The following ANKS1B variants were observed in gnomAD, a reference collection of about 807,000 sequenced individuals.
ANKS1B encodes ankyrin repeat and sterile alpha motif domain-containing protein 1B.
Under a neutral mutation model 148.3 loss-of-function variants are expected in ANKS1B, and 36 were observed. The observed-to-expected ratio is 0.24, with a 90% CI of 0.19 to 0.32. The LOEUF (loss-of-function observed/expected upper bound fraction) is 0.32, where lower values mean the gene tolerates loss of function less well. ANKS1B is among the 10% of genes least tolerant of loss of function. The probability of loss-of-function intolerance (pLI) is 1.00; values close to 1 mark genes in which losing one functional copy is unlikely to be tolerated. For synonymous variants in ANKS1B, 542 were observed against 560.8 expected, an observed-to-expected ratio of 0.97 and a Z score of 0.47; for missense variants, 1,157 against 1,542.6, an observed-to-expected ratio of 0.75 and a Z score of 4.19.
intron 17 of ANKS1B, among the ~76,000 whole-genome samples, chr12:98,998,655 T>G (rs912071970): frequency 6.6e-6 from 1 of 152,232 alleles, no homozygotes; most frequent in Non-Finnish European, 1.5e-5. Flanking sequence ...GGTTGAAATG[T>G]AGCCTTCATG....
chr12:99,483,632 G>A (rs1341289406), intron 10 of ANKS1B, among the ~76,000 whole-genome samples: 1 of 151,708 alleles, frequency 6.6e-6, no homozygotes, highest in Non-Finnish European at 1.5e-5. Context: ...CTGGTCCTGG[G>A]CTTTTTTGTT....
At chr12:99,435,655 T>C (rs958020094) in intron 11 of ANKS1B, among the ~76,000 whole-genome samples, 2 of 152,014 alleles carry the variant, frequency 1.3e-5, no homozygotes, top group African/African-American at 4.8e-5. Context: ...ATTCTCACTT[T>C]GCTGAAAAAC....
intron 17 of ANKS1B, among the ~76,000 whole-genome samples, chr12:98,836,664 T>C (rs2099365228): frequency 6.6e-6 from 1 of 152,202 alleles, no homozygotes; most frequent in Non-Finnish European, 1.5e-5. Context: ...ATAACCAGTG[T>C]GAAAACTTTA....
At chr12:99,577,758 C>A (rs2097532585) in intron 9 of ANKS1B, among the ~76,000 whole-genome samples, 1 of 151,936 alleles carries the variant, frequency 6.6e-6, no homozygotes, top group Non-Finnish European at 1.5e-5. Context: ...ACAGAAAAAG[C>A]CCTGGACCAG....
In ANKS1B at chr12:99,821,072, G is replaced by T. The variant is rs75005810; in HGVS notation, c.215+4237C>A. On this transcript the variant is annotated intron_variant, in intron 2 of 26. Transcript: ENST00000683438. Reference sequence around the variant, plus strand: ...ATATGAAATTCCCAATTTCAGAACTGTAGCATCATAGTGCATAACTGAGCC... The same window carrying T: ...ATATGAAATTCCCAATTTCAGAACTTTAGCATCATAGTGCATAACTGAGCC... Among the ~76,000 whole-genome samples the T allele has an allele frequency of 8.8e-3, 1,338 of 152,098 alleles. 21 individuals are homozygous for T. Among genetic ancestry groups the T allele is most frequent in the African/African-American group, 0.03 (1,262 of 41,556 alleles).
intron 17 of ANKS1B, among the ~76,000 whole-genome samples, chr12:98,981,028 A>C (rs7487997): frequency 6.6e-6 from 1 of 151,714 alleles, no homozygotes. Flanking sequence ...TTTTTAGGCC[A>C]GGCATGGTGG....
In ANKS1B at chr12:99,887,922, T is replaced by C. The variant is rs149039191; in HGVS notation, c.135-62533A>G. Among the ~76,000 whole-genome samples the C allele has an allele frequency of 2.6e-5, 4 of 152,264 alleles. No individual in the cohort carries two copies. In the East Asian group the frequency reaches 7.7e-4, roughly 29 times the overall value. On this transcript the variant is annotated intron_variant, in intron 1 of 26. Transcript: ENST00000683438. ...CAGGTACAGAATGGTGGTCACTGAG[T>C]AGCCCAAAGTAGGTATGACACAAGT...
At chr12:99,930,598 A>G (rs1033452963) in intron 1 of ANKS1B, among the ~76,000 whole-genome samples, 4 of 152,118 alleles carry the variant, frequency 2.6e-5, no homozygotes, top group African/African-American at 9.7e-5. Context: ...GGAATGCTTC[A>G]TCATCACTGG....
rs543479919 is a variant in ANKS1B at position 99,162,055 on chromosome 12, GA to G, written c.2420-7661del. 8.1e-4 allele frequency among the ~76,000 whole-genome samples: 117 copies of G among 145,016 alleles called. 1 individual carries two copies. Among genetic ancestry groups the G allele is most frequent in the South Asian group, 5.1e-3 (23 of 4,544 alleles). ...GAACCTTGAAAACATCATGCCAAGT[GA>G]AAAAAAAAAGCTAGTTATAAAAGAC... On this transcript the variant is annotated intron_variant, in intron 14 of 26. Coordinates refer to ENST00000683438, the MANE Select transcript of ANKS1B (RefSeq NM_001352186.2).
intron 17 of ANKS1B, among the ~76,000 whole-genome samples, chr12:98,935,237 T>A (rs2099817456): frequency 6.6e-6 from 1 of 152,212 alleles, no homozygotes; most frequent in Non-Finnish European, 1.5e-5. Flanking sequence ...ATTGAGATGA[T>A]CATATGATTT....
intron 11 of ANKS1B, among the ~76,000 whole-genome samples, chr12:99,429,085 G>A (rs947899484): frequency 3.3e-5 from 5 of 152,092 alleles, no homozygotes; most frequent in Non-Finnish European, 5.9e-5. Flanking sequence ...TGTGAGGAAT[G>A]GGATATTCAC....
chr12:99,881,746 G>A (rs372194957), intron 1 of ANKS1B, among the ~76,000 whole-genome samples: 103 of 152,306 alleles, frequency 6.8e-4, no homozygotes, highest in African/African-American at 1.8e-3. Flanking sequence ...AATTGACACT[G>A]AAACCACAAG....
intron 17 of ANKS1B, among the ~76,000 whole-genome samples, chr12:98,851,869 C>CA (rs58335929): frequency 0.048 from 7,266 of 151,552 alleles, 260 homozygotes; most frequent in Admixed American, 0.1. Flanking sequence ...ACTAAAAATA[C>CA]AAAAATTAGC....
intron 14 of ANKS1B, among the ~76,000 whole-genome samples, chr12:99,216,856 G>T (rs181129947): frequency 1.7e-4 from 26 of 152,320 alleles, no homozygotes; most frequent in Admixed American, 1.4e-3. Flanking sequence ...TGGCGTGGCC[G>T]TGTGACTAAG....
chr12:99,852,864 T>C (rs948681025), intron 1 of ANKS1B, among the ~76,000 whole-genome samples: 2 of 152,202 alleles, frequency 1.3e-5, no homozygotes, highest in African/African-American at 4.8e-5. Flanking sequence ...AACTCGGTTC[T>C]ATTGGGAGGG....
At chr12:99,526,615 G>T (rs1024697861) in intron 9 of ANKS1B, among the ~76,000 whole-genome samples, 1 of 152,116 alleles carries the variant, frequency 6.6e-6, no homozygotes, top group Non-Finnish European at 1.5e-5. Context: ...AGAAGTTACT[G>T]ATGAAACCCC....
intron 1 of ANKS1B, among the ~76,000 whole-genome samples, chr12:99,968,432 C>G (rs2095515965): frequency 6.6e-6 from 1 of 152,150 alleles, no homozygotes; most frequent in African/African-American, 2.4e-5. Flanking sequence ...GTGGCGGGCG[C>G]CTGTAGTCCC....
At chr12:98,818,844 C>G (rs2099162757) in intron 19 of ANKS1B, among the ~76,000 whole-genome samples, 1 of 152,162 alleles carries the variant, frequency 6.6e-6, no homozygotes, top group Non-Finnish European at 1.5e-5. Context: ...AGAAAAGATG[C>G]ATTGGGCAGA....
chr12:99,845,754 G>A (rs1166717298), intron 1 of ANKS1B, among the ~76,000 whole-genome samples: 1 of 151,958 alleles, frequency 6.6e-6, no homozygotes, highest in Non-Finnish European at 1.5e-5. Flanking sequence ...GTAGGGAGGA[G>A]TACTTCCTTT....
Sources: allele counts gnomAD v4.1 joint callset (sites outside exome capture counted in the v4.1 genomes callset), GRCh38; gene constraint gnomAD v4.1.1; transcripts MANE v1.5; gene names NCBI Gene and HGNC (gene_info 2026-07-23, HGNC 2026-07-21).